SHANK2: variants seen among roughly 807,000 people sequenced by gnomAD.
The protein encoded by SHANK2 is SH3 and multiple ankyrin repeat domains 2.
SHANK2 carries 43 observed loss-of-function variants against 133.7 expected under a neutral mutation model. The ratio of observed to expected loss-of-function variants is 0.32; its 90% confidence interval spans 0.25 to 0.41. SHANK2 has a LOEUF of 0.41. SHANK2 is among the 10% of genes least tolerant of loss of function. SHANK2 has a pLI of 1.00. For synonymous variants in SHANK2, 1,017 were observed against 952.8 expected (o/e 1.07, Z -1.24); for missense variants, 1,994 against 2,235.8 (o/e 0.89, Z 2.18).
Position 70,858,169 on chromosome 11 carries a change from G to A in SHANK2, c.1175-37487C>T, listed in dbSNP as rs113505040. Among the ~76,000 whole-genome samples the A allele has an allele frequency of 3.2e-3, 494 of 152,324 alleles. 3 individuals carry two copies. Among genetic ancestry groups the A allele is most frequent in the African/African-American group, 0.01 (420 of 41,572 alleles). Reference sequence around the variant, plus strand: ...TCAAGAAGGAGCCGAGTGCTGCTGCGAAACCACCCCAGAGCATCTGCTTCC... The same window carrying A: ...TCAAGAAGGAGCCGAGTGCTGCTGCAAAACCACCCCAGAGCATCTGCTTCC... On this transcript the variant is annotated intron_variant, in intron 11 of 25. Coordinates refer to ENST00000601538, the MANE Select transcript of SHANK2 (RefSeq NM_012309.5).
At position 71,194,922 on chromosome 11, in the gene SHANK2, TAGAC is replaced by T. The variant is rs1484667744; in HGVS notation, c.-13+29771_-13+29774del. On this transcript the variant is annotated intron_variant, in intron 2 of 25. Transcript: ENST00000601538. ...CAGTCAAAGGTCAACTCCAGCTACT[TAGAC>T]AGAAGGTCCAGTCTGCTTCCTTCGT... Among the ~76,000 whole-genome samples, 3 of 152,184 alleles carry T rather than the reference TAGAC, an allele frequency of 2.0e-5. No individual in the cohort carries two copies. In the East Asian group the frequency reaches 5.8e-4, roughly 29 times the overall value.
chr11:70,526,649 G>T (rs1490459412), intron 17 of SHANK2, among the ~76,000 whole-genome samples: 2 of 152,222 alleles, frequency 1.3e-5, no homozygotes, highest in African/African-American at 2.4e-5. Flanking sequence ...TTTGGCCAGA[G>T]GCTATGCTTC....
chr11:70,722,305 T>A (rs1555029408), intron 14 of SHANK2, among the ~76,000 whole-genome samples: 1 of 152,232 alleles, frequency 6.6e-6, no homozygotes, highest in African/African-American at 2.4e-5. Flanking sequence ...CACTGAGGAA[T>A]GTCAATAGGA....
intron 14 of SHANK2, among the ~76,000 whole-genome samples, chr11:70,747,678 T>A (rs1555036524): frequency 1.3e-5 from 2 of 152,186 alleles, no homozygotes; most frequent in African/African-American, 4.8e-5. Context: ...GACAACAGCA[T>A]GTGTGTGCAC....
intron 17 of SHANK2, among the ~76,000 whole-genome samples, chr11:70,629,753 C>T (rs782366776): frequency 6.6e-6 from 1 of 152,148 alleles, no homozygotes; most frequent in African/African-American, 2.4e-5. Flanking sequence ...GATCCTGGTG[C>T]CCTCTAATGC....
chr11:71,172,130 C>T (rs1295351328), intron 2 of SHANK2, among the ~76,000 whole-genome samples: 1 of 152,296 alleles, frequency 6.6e-6, no homozygotes, highest in Admixed American at 6.5e-5. Context: ...AAGGAGCAAA[C>T]AATTGCTAGG....
intron 10 of SHANK2, among the ~76,000 whole-genome samples, chr11:70,904,483 G>A (rs1950070696): frequency 6.6e-6 from 1 of 150,708 alleles, no homozygotes; most frequent in Admixed American, 6.7e-5. Context: ...CACTGTTGTG[G>A]GAGGGACCCG....
rs1224285011 is a variant in SHANK2 at position 70,535,075 on chromosome 11, C to T, written c.2062-32144G>A. On this transcript the variant is annotated intron_variant, in intron 17 of 25. Coordinates refer to ENST00000601538, the MANE Select transcript of SHANK2 (RefSeq NM_012309.5). The surrounding 1 kb of genome is among the most constrained non-coding windows in gnomAD (Gnocchi z 4.3). ...CCATGTTGAACAGGGCAGAGCTGAC[C>T]TGGAGGGAAGACTGGCTTTGGGGCA... Among the ~76,000 whole-genome samples the T allele has an allele frequency of 6.6e-6, 1 of 152,176 alleles. No individual in the cohort carries two copies. Among genetic ancestry groups the T allele is most frequent in the East Asian group, 1.9e-4 (1 of 5,196 alleles).
At chr11:70,866,726 T>C (rs1949364673) in intron 11 of SHANK2, among the ~76,000 whole-genome samples, 1 of 152,198 alleles carries the variant, frequency 6.6e-6, no homozygotes, top group South Asian at 2.1e-4. Flanking sequence ...TAGGAGATTT[T>C]TGTGATTTCT....
intron 17 of SHANK2, among the ~76,000 whole-genome samples, chr11:70,557,594 C>T (rs541824307): frequency 2.6e-5 from 4 of 152,148 alleles, no homozygotes; most frequent in East Asian, 1.9e-4. Context: ...CTGGCAGCAC[C>T]GCGGGGCCAG....
chr11:70,768,166 G>A (rs1273791454), intron 14 of SHANK2, among the ~76,000 whole-genome samples: 2 of 152,214 alleles, frequency 1.3e-5, no homozygotes, highest in Admixed American at 6.5e-5. Context: ...TCAAAGAGAA[G>A]GTGCAGCATG....
chr11:70,894,842 T>C (rs1366881535), intron 11 of SHANK2, among the ~76,000 whole-genome samples: 1 of 152,176 alleles, frequency 6.6e-6, no homozygotes, highest in African/African-American at 2.4e-5. Context: ...TGTGTGCCCC[T>C]GGTCAAGAGA....
intron 10 of SHANK2, among the ~76,000 whole-genome samples, chr11:70,915,316 CA>C (rs1272318164): frequency 6.6e-6 from 1 of 152,128 alleles, no homozygotes; most frequent in East Asian, 1.9e-4. Context: ...CACACACCCC[CA>C]AAAAAATCCC....
chr11:70,512,505 T>C (rs889283535), intron 17 of SHANK2, among the ~76,000 whole-genome samples: 3 of 152,270 alleles, frequency 2.0e-5, no homozygotes, highest in Non-Finnish European at 4.4e-5. Flanking sequence ...CATTTTGTTC[T>C]CCCTAGAGCA....
intron 23 of SHANK2, 98 bp from the exon 24 acceptor site, chr11:70,489,446 A>G (rs559061848): frequency 1.7e-6 from 2 of 1,143,540 alleles, no homozygotes; most frequent in Admixed American, 3.4e-5. Flanking sequence ...TAAGCACAGC[A>G]GACACCACCT....
chr11:70,927,335 C>T (rs984786705), intron 10 of SHANK2, among the ~76,000 whole-genome samples: 5 of 151,992 alleles, frequency 3.3e-5, no homozygotes, highest in African/African-American at 7.2e-5. Context: ...TAAAATATTC[C>T]GTTTATCCCA....
chr11:70,687,197 A>G (rs1264237047), intron 15 of SHANK2, among the ~76,000 whole-genome samples: 1 of 152,222 alleles, frequency 6.6e-6, no homozygotes, highest in East Asian at 1.9e-4. Flanking sequence ...CCATCTTACA[A>G]ATGGGGAAAC....
intron 2 of SHANK2, among the ~76,000 whole-genome samples, chr11:71,160,465 G>C (rs1230978296): frequency 3.3e-5 from 5 of 152,134 alleles, no homozygotes; most frequent in Admixed American, 3.3e-4. Context: ...ACATCAGAGA[G>C]CCAGCATGCG....
At chr11:71,247,103 T>A (rs1400582142) in intron 1 of SHANK2, among the ~76,000 whole-genome samples, 2 of 152,288 alleles carry the variant, frequency 1.3e-5, no homozygotes, top group East Asian at 3.9e-4. Flanking sequence ...TCTATTACAT[T>A]AGGATAAAAT....
Sources: allele counts gnomAD v4.1 joint callset (sites outside exome capture counted in the v4.1 genomes callset), GRCh38; gene constraint gnomAD v4.1.1; non-coding constraint Gnocchi (gnomAD v3.1); transcripts MANE v1.5; gene names NCBI Gene and HGNC (gene_info 2026-07-23, HGNC 2026-07-21).